TNNI3K: variants seen among roughly 807,000 people sequenced by gnomAD.
TNNI3K encodes the protein serine/threonine-protein kinase TNNI3K.
A neutral mutation model predicts 114.5 loss-of-function variants in TNNI3K; 140 were observed. The ratio of observed to expected loss-of-function variants is 1.22; its 90% CI spans 1.07 to 1.41. TNNI3K has a LOEUF of 1.41. TNNI3K is among the 40% of genes most tolerant of loss of function. TNNI3K has a pLI of 0.00. For synonymous variants in TNNI3K, 347 were observed against 347.5 expected (o/e 1.00, Z 0.02); for missense variants, 1,125 against 1,007.6 (o/e 1.12, Z -1.58).
At chr1:74,236,975 G>A (rs1470468061) in intron 2 of TNNI3K, among the ~76,000 whole-genome samples, 3 of 151,868 alleles carry the variant, frequency 2.0e-5, no homozygotes, top group Non-Finnish European at 2.9e-5. Flanking sequence ...GTTATGTAAT[G>A]CACTCATGGC....
At chr1:74,418,136 A>G (rs1665220023) in intron 17 of TNNI3K, 2 of 450,950 alleles carry the variant, frequency 4.4e-6, no homozygotes, top group East Asian at 7.2e-5. Flanking sequence ...CCTAAAAGGT[A>G]GGAGGTCTTT....
At position 74,370,369 on chromosome 1, in the gene TNNI3K, A is replaced by G. The variant is rs747120451; in HGVS notation, c.1749A>G (p.Pro583=). ...GMEYLHNLTQ[P]IIHRDLNSHN... ...AGTACCTTCACAACCTGACACAGCC[A>G]ATTATACATCGTGACTTGAACAGGT... The change falls in exon 17 of 25, where the codon CCA becomes CCG. Residue 583 remains proline, a synonymous_variant. Transcript: ENST00000326637. 1 of 1,607,038 alleles carries G rather than the reference A, an allele frequency of 6.2e-7. No homozygotes were observed. The highest frequency in any genetic ancestry group is 8.5e-7 in the Non-Finnish European group (1 of 1,175,810).
At chr1:74,483,706 C>G (rs1168538780) in intron 21 of TNNI3K, among the ~76,000 whole-genome samples, 1 of 152,056 alleles carries the variant, frequency 6.6e-6, no homozygotes, top group East Asian at 1.9e-4. Context: ...ATTCTGCAAC[C>G]CAATTGGAGA....
At chr1:74,457,093 G>T (rs1014311229) in intron 20 of TNNI3K, among the ~76,000 whole-genome samples, 3 of 152,062 alleles carry the variant, frequency 2.0e-5, no homozygotes, top group Non-Finnish European at 4.4e-5. Context: ...ACTGTTCTTT[G>T]ACAAGCGGCA....
At chr1:74,341,055 C>T (rs1660723658) in intron 7 of TNNI3K, among the ~76,000 whole-genome samples, 1 of 152,138 alleles carries the variant, frequency 6.6e-6, no homozygotes. Flanking sequence ...ATAGCAGCTA[C>T]AAGGCCTAAT....
chr1:74,398,367 G>A (rs1664190659), intron 17 of TNNI3K, among the ~76,000 whole-genome samples: 1 of 152,132 alleles, frequency 6.6e-6, no homozygotes, highest in Non-Finnish European at 1.5e-5. Flanking sequence ...GGGGTCCCCA[G>A]GCCACGTGTG....
intron 9 of TNNI3K, among the ~76,000 whole-genome samples, chr1:74,348,478 C>T (rs949665228): frequency 2.0e-5 from 3 of 152,234 alleles, no homozygotes; most frequent in Admixed American, 1.3e-4. Context: ...CTTGGCAATG[C>T]GGGCTCTTTC....
chr1:74,263,676 A>C (rs935603037), intron 4 of TNNI3K, among the ~76,000 whole-genome samples: 8 of 151,968 alleles, frequency 5.3e-5, no homozygotes, highest in Non-Finnish European at 1.2e-4. Context: ...AAATGGAGGC[A>C]ATAAACATTA....
intron 9 of TNNI3K, chr1:74,345,788 T>A (rs1660970522): frequency 6.6e-6 from 1 of 152,172 alleles, no homozygotes; most frequent in African/African-American, 2.4e-5. Context: ...AAAAGAACAT[T>A]TATGAGAATT....
At chr1:74,253,177 A>G (rs12747994) in intron 4 of TNNI3K, among the ~76,000 whole-genome samples, 89,887 of 151,984 alleles carry the variant, frequency 0.59, 30,289 homozygotes, top group East Asian at 0.82. Context: ...ACAAACGTTG[A>G]GCTAGATACA....
intron 4 of TNNI3K, among the ~76,000 whole-genome samples, chr1:74,252,782 G>T (rs1334981278): frequency 6.6e-6 from 1 of 152,122 alleles, no homozygotes; most frequent in Non-Finnish European, 1.5e-5. Flanking sequence ...GCAGACCTTC[G>T]CGGTGAGTGT....
intron 23 of TNNI3K, among the ~76,000 whole-genome samples, chr1:74,494,367 T>C (rs919829358): frequency 6.6e-5 from 10 of 152,218 alleles, no homozygotes; most frequent in Non-Finnish European, 1.3e-4. Flanking sequence ...TATGAAGAGA[T>C]GGGACTCTGA....
In TNNI3K at chr1:74,540,575, G is replaced by A. The variant is rs545020100; in HGVS notation, c.2431+262G>A. ...TATGTGTGAGTGCCTGTATGTGTTT[G>A]TGTACATAGAAAAAAGTACAACTCT... On this transcript the variant is annotated intron_variant, in intron 24 of 24. Transcript: ENST00000326637. Among the ~76,000 whole-genome samples the A allele has an allele frequency of 4.8e-4, 71 of 148,608 alleles. 1 individual carries two copies. The highest frequency in any genetic ancestry group is 2.0e-3 in the South Asian group (9 of 4,586).
intron 23 of TNNI3K, among the ~76,000 whole-genome samples, chr1:74,535,247 TG>T (rs1445572301): frequency 6.6e-6 from 1 of 152,008 alleles, no homozygotes; most frequent in African/African-American, 2.4e-5. Context: ...GAGGTCGAGG[TG>T]GGTGGATCAA....
At chr1:74,457,476 C>T (rs1667273440) in intron 20 of TNNI3K, among the ~76,000 whole-genome samples, 1 of 152,144 alleles carries the variant, frequency 6.6e-6, no homozygotes, top group Non-Finnish European at 1.5e-5. Context: ...GTCAGTTTAA[C>T]AAAGAATGTG....
intron 21 of TNNI3K, chr1:74,475,617 G>A: frequency 1.4e-6 from 1 of 717,246 alleles, no homozygotes; most frequent in Non-Finnish European, 2.6e-6. Context: ...CAGTGGACAT[G>A]ACCTTTATCT....
At chr1:74,241,307 G>A (rs1035073529) in intron 2 of TNNI3K, among the ~76,000 whole-genome samples, 1 of 152,206 alleles carries the variant, frequency 6.6e-6, no homozygotes, top group African/African-American at 2.4e-5. Context: ...TAATGGGATG[G>A]CTGAGTCAAA....
At chr1:74,479,133 G>A (rs142593319) in intron 21 of TNNI3K, among the ~76,000 whole-genome samples, 12 of 152,252 alleles carry the variant, frequency 7.9e-5, no homozygotes, top group African/African-American at 2.6e-4. Context: ...GATGCCATTT[G>A]TTGGTCTCTG....
chr1:74,291,964 T>G (rs1434100069), intron 5 of TNNI3K, among the ~76,000 whole-genome samples: 2 of 151,514 alleles, frequency 1.3e-5, no homozygotes, highest in Non-Finnish European at 1.5e-5. Context: ...TCCATTTAAT[T>G]GCAAATCTGT....
Sources: allele counts gnomAD v4.1 joint callset (sites outside exome capture counted in the v4.1 genomes callset), GRCh38; gene constraint gnomAD v4.1.1; transcripts MANE v1.5; gene names NCBI Gene and HGNC (gene_info 2026-07-23, HGNC 2026-07-21).